The following CACNB2 variants were observed in gnomAD, a reference collection of about 807,000 sequenced individuals.
CACNB2 encodes the protein voltage-dependent L-type calcium channel subunit beta-2.
CACNB2 carries 42 observed loss-of-function variants against 73.3 expected under a neutral mutation model. The ratio of observed to expected loss-of-function variants is 0.57; its 90% CI spans 0.45 to 0.74. CACNB2 has a LOEUF of 0.74. CACNB2 is among the 30% of genes least tolerant of loss of function. CACNB2 has a pLI of 0.00. For missense variants in CACNB2, 940 were observed against 853.0 expected (o/e 1.10, Z -1.27); for synonymous variants, 348 against 310.3 (o/e 1.12, Z -1.28).
chr10:18,471,506 T>G (rs963624166), intron 3 of CACNB2, among the ~76,000 whole-genome samples: 2 of 152,236 alleles, frequency 1.3e-5, no homozygotes, highest in Non-Finnish European at 2.9e-5. Flanking sequence ...GATAGGAAGC[T>G]ATTATCCTGC....
chr10:18,209,972 A>T (rs552164197), intron 2 of CACNB2, among the ~76,000 whole-genome samples: 4 of 152,222 alleles, frequency 2.6e-5, no homozygotes, highest in Non-Finnish European at 5.9e-5. Flanking sequence ...TAGGAGAAAG[A>T]AAAGGATGTA....
chr10:18,407,229 C>G (rs1445611136), intron 3 of CACNB2, among the ~76,000 whole-genome samples: 1 of 143,984 alleles, frequency 6.9e-6, no homozygotes, highest in African/African-American at 2.6e-5. Context: ...TCAAGCGATT[C>G]TCACACCTCA....
At chr10:18,473,513 C>A (rs2048294151) in intron 3 of CACNB2, among the ~76,000 whole-genome samples, 1 of 152,160 alleles carries the variant, frequency 6.6e-6, no homozygotes, top group Admixed American at 6.5e-5. Flanking sequence ...AGTTTACTTT[C>A]AGTTCAAGAC....
intron 2 of CACNB2, among the ~76,000 whole-genome samples, chr10:18,166,249 A>G (rs2032842691): frequency 6.6e-6 from 1 of 152,204 alleles, no homozygotes; most frequent in African/African-American, 2.4e-5. Context: ...AATTAATAAT[A>G]CAGATATTTA....
At chr10:18,314,292 T>G (rs1020765376) in intron 2 of CACNB2, among the ~76,000 whole-genome samples, 1 of 152,214 alleles carries the variant, frequency 6.6e-6, no homozygotes, top group Non-Finnish European at 1.5e-5. Context: ...CAAAAAATAA[T>G]CCTAATTAAT....
intron 10 of CACNB2, among the ~76,000 whole-genome samples, chr10:18,533,754 T>G (rs2053291605): frequency 6.6e-6 from 1 of 152,228 alleles, no homozygotes; most frequent in Non-Finnish European, 1.5e-5. Context: ...GTTCTTATTT[T>G]ACAGCAGTTT....
At chr10:18,403,812 C>T (rs191379871) in intron 3 of CACNB2, among the ~76,000 whole-genome samples, 2 of 151,458 alleles carry the variant, frequency 1.3e-5, no homozygotes, top group South Asian at 2.1e-4. Context: ...AAAACTATTT[C>T]CTATGTTTAA....
At chr10:18,422,792 A>G (rs1397445089) in intron 3 of CACNB2, among the ~76,000 whole-genome samples, 1 of 152,060 alleles carries the variant, frequency 6.6e-6, no homozygotes, top group Non-Finnish European at 1.5e-5. Flanking sequence ...TCCACCTCCC[A>G]CGTTCAAGTG....
intron 11 of CACNB2, among the ~76,000 whole-genome samples, chr10:18,535,162 A>ATTAATT (rs1277881922): frequency 6.6e-6 from 1 of 152,236 alleles, no homozygotes; most frequent in Non-Finnish European, 1.5e-5. Flanking sequence ...AATGAATAAC[A>ATTAATT]TTAATTTTCA....
chr10:18,521,960 A>G (rs2051936358), intron 9 of CACNB2, among the ~76,000 whole-genome samples: 2 of 152,188 alleles, frequency 1.3e-5, no homozygotes, highest in South Asian at 4.2e-4. Context: ...GCAGACGGTG[A>G]GTGGCAGGGG....
At chr10:18,385,796 G>A (rs1190517740) in intron 2 of CACNB2, among the ~76,000 whole-genome samples, 3 of 151,866 alleles carry the variant, frequency 2.0e-5, no homozygotes, top group African/African-American at 7.3e-5. Flanking sequence ...ACATTAGCAT[G>A]TATCGCTAGA....
At chr10:18,500,698 T>C in intron 4 of CACNB2, 114 bp from the exon 5 acceptor site, 1 of 1,057,644 alleles carries the variant, frequency 9.5e-7, no homozygotes, top group Admixed American at 1.8e-5. Context: ...AATGATAATA[T>C]TTAAGGCATA....
intron 2 of CACNB2, among the ~76,000 whole-genome samples, chr10:18,290,537 G>A (rs989276856): frequency 4.6e-5 from 7 of 152,102 alleles, no homozygotes; most frequent in African/African-American, 1.7e-4. Flanking sequence ...ATAATAACAT[G>A]CATTTCTTCT....
chr10:18,389,204 T>C lies in CACNB2; in HGVS notation c.214-12720T>C, dbSNP rs1378374417. ...CCCAGGCTGGATTGCAGTGGCATGA[T>C]CAGTTCACTGTAGCCTTGAACTCCT... On this transcript the variant is annotated intron_variant, in intron 2 of 13. Coordinates refer to ENST00000324631, the MANE Select transcript of CACNB2 (RefSeq NM_201596.3). Among the ~76,000 whole-genome samples, 3 of 152,226 alleles carry C rather than the reference T, an allele frequency of 2.0e-5. No individual in the cohort carries two copies. The East Asian group carries it at 5.8e-4, about 29-fold the overall frequency.
At position 18,538,185 on chromosome 10, in the gene CACNB2, G is replaced by C. The variant is rs140504529; in HGVS notation, c.1308G>C (p.Leu436=). 7 of 1,613,986 alleles carry C rather than the reference G, an allele frequency of 4.3e-6. No individual in the cohort carries two copies. The highest frequency in any genetic ancestry group is 5.9e-6 in the Non-Finnish European group (7 of 1,180,004). Residue 436 remains leucine (L), a synonymous_variant, in exon 13 of 14, where the codon CTG becomes CTC. Transcript: ENST00000324631. ...ADKLAQCPPE[L]FDVILDENQL... The stretch of plus-strand genomic sequence containing the variant: ...TGGAATGTCTGCCTCTGCAGGAGCT[G>C]TTCGATGTGATCTTGGATGAGAACC...
intron 2 of CACNB2, among the ~76,000 whole-genome samples, chr10:18,350,662 G>C (rs1216242236): frequency 6.6e-6 from 1 of 152,192 alleles, no homozygotes; most frequent in Non-Finnish European, 1.5e-5. Context: ...GAGTCCACCA[G>C]ACCTGGCAGG....
intron 2 of CACNB2, among the ~76,000 whole-genome samples, chr10:18,336,511 C>G (rs1035134333): frequency 1.3e-5 from 2 of 151,914 alleles, no homozygotes; most frequent in Non-Finnish European, 2.9e-5. Context: ...TCCAGCTACT[C>G]GAGAGGCTGA....
intron 3 of CACNB2, among the ~76,000 whole-genome samples, chr10:18,405,389 A>C (rs1589256767): frequency 6.6e-6 from 1 of 152,268 alleles, no homozygotes; most frequent in Middle Eastern, 3.4e-3. Flanking sequence ...GTGATTGGCT[A>C]CTTTTGGACA....
At chr10:18,370,005 GA>G (rs1444585469) in intron 2 of CACNB2, among the ~76,000 whole-genome samples, 1 of 152,202 alleles carries the variant, frequency 6.6e-6, no homozygotes, top group African/African-American at 2.4e-5. Context: ...CCCAGTTCTG[GA>G]AGTCTTTTGT....
Sources: gnomAD v4.1 joint callset for allele counts (sites outside exome capture counted in the v4.1 genomes callset) on GRCh38, gnomAD v4.1.1 for gene constraint, MANE v1.5 for transcripts, NCBI Gene and HGNC (gene_info 2026-07-23, HGNC 2026-07-21) for gene names.